Variants in JOSD1 observed in about 807,000 individuals in gnomAD.
The protein encoded by JOSD1 is Josephin domain containing 1.
Under a neutral mutation model 24.3 loss-of-function variants are expected in JOSD1, and 11 were observed. That is an observed-to-expected ratio of 0.45 (90% confidence interval 0.29 to 0.75). The LOEUF (loss-of-function observed/expected upper bound fraction) is 0.75, where lower values mean the gene tolerates loss of function less well. Ranked by LOEUF, JOSD1 falls within the 30% of genes least tolerant of loss-of-function variation. The probability of loss-of-function intolerance (pLI) is 0.11; values close to 1 mark genes in which losing one functional copy is unlikely to be tolerated. For synonymous variants in JOSD1, 106 were observed against 93.8 expected, an observed-to-expected ratio of 1.13 and a Z score of -0.75; for missense variants, 184 against 253.5, an observed-to-expected ratio of 0.73 and a Z score of 1.86.
At position 38,687,729 on chromosome 22, in the gene JOSD1, A is replaced by C; in HGVS notation, c.*173T>G. 3.5e-6 allele frequency: 2 copies of C among 575,878 alleles called. No homozygotes were observed. The highest frequency in any genetic ancestry group is 4.7e-5 in the South Asian group (2 of 42,274). The allele number at this position is 575,878 out of a possible 1,614,324, so 35.7% of individuals were successfully genotyped here. A position where few individuals can be genotyped will look rare whatever the true frequency, so the allele number is the denominator to read the frequency against. On this transcript the variant is annotated 3_prime_UTR_variant, in exon 5 of 5. Transcript: ENST00000683374. Reference sequence around the variant, plus strand: ...TACCTTCCTTGCCCAGGAACAAAACACTGAGTAGTTCTTATAACAGTCCAC... The same window carrying C: ...TACCTTCCTTGCCCAGGAACAAAACCCTGAGTAGTTCTTATAACAGTCCAC...
In JOSD1 at chr22:38,700,886, C is replaced by A. The variant is rs1205929372; in HGVS notation, c.-718G>T. ...CCCCAGGGCCGCCGGGACTGCTCGC[C>A]GCTGGCGGTCCCCTCACCGCAGCCG... On this transcript the variant is annotated 5_prime_UTR_variant, in exon 1 of 5. Coordinates refer to ENST00000683374, the MANE Select transcript of JOSD1 (RefSeq NM_001360236.2). 12 of 984,464 alleles carry A rather than the reference C, an allele frequency of 1.2e-5. No individual in the cohort carries two copies. Among genetic ancestry groups the A allele is most frequent in the South Asian group, 4.7e-5 (1 of 21,292 alleles). The allele number at this position is 984,464 out of a possible 1,614,324, so 61.0% of individuals were successfully genotyped here.
chr22:38,698,794 A>G (rs1337185212), intron 2 of JOSD1, among the ~76,000 whole-genome samples: 1 of 152,156 alleles, frequency 6.6e-6, no homozygotes, highest in Non-Finnish European at 1.5e-5. Context: ...GAGACCCGTC[A>G]CCCAGGCTGG....
intron 2 of JOSD1, among the ~76,000 whole-genome samples, chr22:38,696,359 T>G (rs921410079): frequency 6.6e-6 from 1 of 152,024 alleles, no homozygotes; most frequent in African/African-American, 2.4e-5. Context: ...TGCCTCAGTT[T>G]CCCGAGTAGC....
chr22:38,687,011 ATTAG>A lies in JOSD1; in HGVS notation c.*887_*890del, dbSNP rs1378650336. The A allele has an allele frequency of 6.6e-6, 1 of 152,178 alleles. No homozygotes were observed. The highest frequency in any genetic ancestry group is 1.5e-5 in the Non-Finnish European group (1 of 68,050). The allele number at this position is 152,178 out of a possible 1,614,324, so 9.4% of individuals were successfully genotyped here. A position where few individuals can be genotyped will look rare whatever the true frequency, so the allele number is the denominator to read the frequency against. On this transcript the variant is annotated 3_prime_UTR_variant, in exon 5 of 5. Transcript: ENST00000683374. ...TATCCTCCTCACTTCATACTAGAAT[ATTAG>A]TTAATTTTTCATTATAAAACTCTGC...
chr22:38,699,629 G>C (rs769917835), intron 2 of JOSD1, among the ~76,000 whole-genome samples, 174 bp downstream of exon 2: 4 of 152,196 alleles, frequency 2.6e-5, no homozygotes, highest in Non-Finnish European at 5.9e-5. Flanking sequence ...CTAGCCCACC[G>C]TAAGTGCCTG....
intron 2 of JOSD1, among the ~76,000 whole-genome samples, chr22:38,691,663 G>C (rs2092522933): frequency 6.6e-6 from 1 of 152,136 alleles, no homozygotes; most frequent in South Asian, 2.1e-4. Context: ...CTGCCATAGA[G>C]AGGCCTTTTC....
At position 38,700,426 on chromosome 22, in the gene JOSD1, A is replaced by G. The variant is rs533224901; in HGVS notation, c.-439T>C. 3,459 of 987,834 alleles carry G rather than the reference A, an allele frequency of 3.5e-3. 6 individuals are homozygous for G. The highest frequency in any genetic ancestry group is 4.0e-3 in the Non-Finnish European group (3,320 of 831,422). 61.2% of individuals were successfully genotyped at this position (987,834 alleles called of 1,614,324 possible). On this transcript the variant is annotated 5_prime_UTR_variant, in exon 2 of 5. Coordinates refer to ENST00000683374, the MANE Select transcript of JOSD1 (RefSeq NM_001360236.2). ...CCATTTCTTTTGAACCACGACGCCA[A>G]TGACTCGGGAGACAAGGCCTGGGTG... is the stretch of plus-strand genomic sequence containing the variant.
chr22:38,689,527 G>T, intron 2 of JOSD1, 103 bp from the exon 3 acceptor site: 2 of 1,448,404 alleles, frequency 1.4e-6, no homozygotes, highest in Non-Finnish European at 1.9e-6. Flanking sequence ...GCCCCTGGAA[G>T]TTAGTTTCCC....
At chr22:38,692,828 C>T (rs1191699633) in intron 2 of JOSD1, among the ~76,000 whole-genome samples, 8 of 135,230 alleles carry the variant, frequency 5.9e-5, no homozygotes, top group African/African-American at 1.1e-4. Context: ...GAGAACAGAA[C>T]ACATATGAAA....
chr22:38,694,863 CAA>C (rs55844316), intron 2 of JOSD1, among the ~76,000 whole-genome samples: 33,263 of 79,252 alleles, frequency 0.42, 3,733 homozygotes, highest in East Asian at 0.5. Context: ...GACTCAGTCT[CAA>C]AAAAAAAAAA....
At chr22:38,692,857 A>G (rs997635420) in intron 2 of JOSD1, among the ~76,000 whole-genome samples, 1 of 152,028 alleles carries the variant, frequency 6.6e-6, no homozygotes, top group Non-Finnish European at 1.5e-5. Context: ...AGCCCCTGAT[A>G]TAATTGGTTC....
At chr22:38,701,060 C>G (rs2092568399), upstream of JOSD1, 1 of 876,538 alleles carries the variant, frequency 1.1e-6, no homozygotes, top group Non-Finnish European at 1.4e-6. Context: ...TCACGCCTGA[C>G]GTAAGTCTGA....
intron 2 of JOSD1, among the ~76,000 whole-genome samples, chr22:38,694,706 C>G (rs1603141746): frequency 6.6e-6 from 1 of 151,714 alleles, no homozygotes; most frequent in Non-Finnish European, 1.5e-5. Context: ...ACTAAAAATA[C>G]AAAAAAGTAG....
Position 38,700,621 on chromosome 22 carries a change from G to A in JOSD1, c.-631-3C>T, listed in dbSNP as rs1023154118. The stretch of plus-strand genomic sequence containing the variant: ...ATTCTAGCCCTCTGGCCGCGGCCCT[G>A]CGGAGGAGGAGACAACTCCGGTCAG... On this transcript the variant is annotated splice_polypyrimidine_tract_variant and splice_region_variant and intron_variant, in intron 1 of 4. Transcript: ENST00000683374. 2.0e-6 allele frequency: 2 copies of A among 984,958 alleles called. No individual in the cohort carries two copies. The highest frequency in any genetic ancestry group is 1.7e-5 in the African/African-American group (1 of 57,212). The allele number at this position is 984,958 out of a possible 1,614,324, so 61.0% of individuals were successfully genotyped here.
chr22:38,688,827 G>T (rs1307847181), intron 4 of JOSD1, 108 bp downstream of exon 4: 1 of 1,032,852 alleles, frequency 9.7e-7, no homozygotes, highest in Non-Finnish European at 1.4e-6. Flanking sequence ...GAGAATCCAA[G>T]GGCACAGGAA....
intron 2 of JOSD1, among the ~76,000 whole-genome samples, chr22:38,690,757 A>G (rs932059538): frequency 2.0e-5 from 3 of 152,046 alleles, no homozygotes; most frequent in African/African-American, 7.2e-5. Context: ...GCGGTGGCTC[A>G]TGCTTGTAAT....
chr22:38,698,239 C>A (rs914485279), intron 2 of JOSD1, among the ~76,000 whole-genome samples: 1 of 152,194 alleles, frequency 6.6e-6, no homozygotes, highest in Non-Finnish European at 1.5e-5. Flanking sequence ...CTCCCAGTGC[C>A]CCAGGTCCTG....
At chr22:38,698,029 T>C (rs1198505578) in intron 2 of JOSD1, among the ~76,000 whole-genome samples, 1 of 152,256 alleles carries the variant, frequency 6.6e-6, no homozygotes, top group Non-Finnish European at 1.5e-5. Context: ...TGTTGCAAGA[T>C]TGTTCATACA....
At chr22:38,689,446 G>A (rs1218055028) in intron 2 of JOSD1, 22 bp from the exon 3 acceptor site, 5 of 1,613,542 alleles carry the variant, frequency 3.1e-6, no homozygotes, top group African/African-American at 1.3e-5. Flanking sequence ...AAAAGAGGAG[G>A]GCTGAGACTT....
Sources: allele counts gnomAD v4.1 joint callset (sites outside exome capture counted in the v4.1 genomes callset), GRCh38; gene constraint gnomAD v4.1.1; transcripts MANE v1.5; gene names NCBI Gene and HGNC (gene_info 2026-07-23, HGNC 2026-07-21).